ARHGEF10: variants seen among roughly 807,000 people sequenced by gnomAD.
ARHGEF10 encodes the protein Rho guanine nucleotide exchange factor 10, also known as Rho guanine nucleotide exchange factor (GEF) 10.
In ARHGEF10, 140 loss-of-function variants were observed where a neutral mutation model predicts 147.4. That is an observed-to-expected ratio of 0.95 (90% CI 0.83 to 1.09). The LOEUF (loss-of-function observed/expected upper bound fraction) is 1.09. Among genes scored for constraint, ARHGEF10 ranks in the 50% least tolerant of loss-of-function variants. ARHGEF10 has a pLI of 0.00. For synonymous variants in ARHGEF10, 902 were observed against 695.8 expected (o/e 1.30, Z -4.67); for missense variants, 2,222 against 1,752.7 (o/e 1.27, Z -4.78).
intron 3 of ARHGEF10, 74 bp downstream of exon 3, chr8:1,858,189 TGA>T (rs1748125263): frequency 4.9e-6 from 7 of 1,415,886 alleles, no homozygotes; most frequent in Middle Eastern, 2.5e-4. Context: ...GGTCCCCATG[TGA>T]GTCACCAGGT....
chr8:1,929,185 C>T (rs1812915732), intron 24 of ARHGEF10, 101 bp from the exon 25 acceptor site: 1 of 1,315,190 alleles, frequency 7.6e-7, no homozygotes, highest in African/African-American at 1.5e-5. Flanking sequence ...GAAGGAAGGG[C>T]AAGAGGGAAG....
At chr8:1,874,332 G>A (rs1807456680) in intron 7 of ARHGEF10, among the ~76,000 whole-genome samples, 1 of 152,180 alleles carries the variant, frequency 6.6e-6, no homozygotes, top group Non-Finnish European at 1.5e-5. Context: ...TCCTGTGGCT[G>A]GGTCCCAGGA....
chr8:1,919,267 A>T (rs1812019586), intron 18 of ARHGEF10, among the ~76,000 whole-genome samples: 1 of 138,604 alleles, frequency 7.2e-6, no homozygotes, highest in Non-Finnish European at 1.5e-5. Flanking sequence ...TCTGTGGGTG[A>T]TGAGCTGTTC....
intron 7 of ARHGEF10, among the ~76,000 whole-genome samples, chr8:1,873,326 G>T (rs3824137): frequency 0.17 from 26,451 of 152,198 alleles, 2,838 homozygotes; most frequent in East Asian, 0.34. Flanking sequence ...GAAAAACGAG[G>T]AAATTATATG....
chr8:1,898,424 C>G lies in ARHGEF10; in HGVS notation c.1558-9C>G. The G allele has an allele frequency of 6.2e-7, 1 of 1,613,810 alleles. No individual in the cohort carries two copies. Among genetic ancestry groups the G allele is most frequent in the Non-Finnish European group, 8.5e-7 (1 of 1,179,866 alleles). ...TGCAGGGAGGTGACCCCGGTGCCTT[C>G]CCCCACAGCAGGAACAGGAGGCCAG... On this transcript the variant is annotated splice_polypyrimidine_tract_variant and intron_variant, in intron 14 of 28. Coordinates refer to ENST00000349830, the MANE Select transcript of ARHGEF10 (RefSeq NM_014629.4).
chr8:1,934,130 T>C (rs1813377492), intron 26 of ARHGEF10, among the ~76,000 whole-genome samples, 188 bp downstream of exon 26: 1 of 151,664 alleles, frequency 6.6e-6, no homozygotes, highest in African/African-American at 2.4e-5. Context: ...AGCTCAGGAG[T>C]TCCAGATCAG....
At chr8:1,928,364 C>T in intron 23 of ARHGEF10, 63 bp from the exon 24 acceptor site, 1 of 1,489,282 alleles carries the variant, frequency 6.7e-7, no homozygotes, top group Non-Finnish European at 9.4e-7. Flanking sequence ...GGGTCAGGTT[C>T]CAGCGTATTA....
At chr8:1,873,533 T>C (rs1390336154) in intron 7 of ARHGEF10, among the ~76,000 whole-genome samples, 1 of 117,888 alleles carries the variant, frequency 8.5e-6, no homozygotes, top group African/African-American at 3.5e-5. Context: ...CGCGGGGTAG[T>C]GCACCCGCAT....
chr8:1,857,884 A>G (rs1805685276), intron 2 of ARHGEF10, 76 bp from the exon 3 acceptor site: 3 of 856,346 alleles, frequency 3.5e-6, no homozygotes, highest in African/African-American at 2.5e-5. Flanking sequence ...CGATCGATCT[A>G]TCTATCTATC....
intron 26 of ARHGEF10, among the ~76,000 whole-genome samples, chr8:1,942,240 C>T (rs1031876165): frequency 6.7e-6 from 1 of 148,556 alleles, no homozygotes; most frequent in African/African-American, 2.5e-5. Flanking sequence ...GTATGCAGAG[C>T]ATCTAACTCA....
rs777748141 is a variant in ARHGEF10, at chr8:1,952,792, C to T, written c.3485C>T (p.Pro1162Leu). 21 of 1,613,732 alleles carry T rather than the reference C, an allele frequency of 1.3e-5. No homozygotes were observed. Among genetic ancestry groups the T allele is most frequent in the African/African-American group, 5.3e-5 (4 of 74,936 alleles). ...AGCCTGGGAGTCCTCGTGGCCCTGC[C>T]GGTCCCACGTCTGCAAGGGATTCCC... ...GTSLGVLVAL[P>L]VPRLQGIPKV... The change falls in exon 28 of 29, where the codon CCG becomes CTG. Residue 1162 changes from proline (P) to leucine (L), a missense_variant. Pro to Leu is a moderately conservative substitution (Grantham distance 98). Transcript: ENST00000349830.
intron 1 of ARHGEF10, among the ~76,000 whole-genome samples, chr8:1,836,105 C>T (rs1412357988): frequency 1.3e-5 from 2 of 151,518 alleles, no homozygotes; most frequent in Non-Finnish European, 2.9e-5. Context: ...GGCGTGAACC[C>T]GGGAGGCAGA....
At chr8:1,833,132 AGAG>A (rs1563149744) in intron 1 of ARHGEF10, among the ~76,000 whole-genome samples, 206 of 74,258 alleles carry the variant, frequency 2.8e-3, no homozygotes, top group East Asian at 0.016. Flanking sequence ...AGACAGAGGC[AGAG>A]GCAGAGACAG....
chr8:1,912,719 TC>T (rs1272683130), intron 18 of ARHGEF10, among the ~76,000 whole-genome samples: 3 of 152,178 alleles, frequency 2.0e-5, no homozygotes, highest in African/African-American at 7.2e-5. Context: ...GCTCCCAAAC[TC>T]CCTGATGCTG....
At chr8:1,851,474 A>G (rs1260471937) in intron 2 of ARHGEF10, among the ~76,000 whole-genome samples, 1 of 151,760 alleles carries the variant, frequency 6.6e-6, no homozygotes, top group Non-Finnish European at 1.5e-5. Context: ...CTCAGTTGCA[A>G]CAAGTGTTCC....
At chr8:1,894,614 T>A in intron 13 of ARHGEF10, 42 bp downstream of exon 13, 1 of 1,603,370 alleles carries the variant, frequency 6.2e-7, no homozygotes, top group South Asian at 1.1e-5. Context: ...GGGCTCTCCA[T>A]GCACCTGTCC....
chr8:1,843,449 A>G lies in ARHGEF10; in HGVS notation c.37+13A>G. The G allele has an allele frequency of 6.2e-7, 1 of 1,607,994 alleles. No homozygotes were observed. The highest frequency in any genetic ancestry group is 8.5e-7 in the Non-Finnish European group (1 of 1,175,694). ...CCCGCTCCTGCAGGTAACAGCACTC[A>G]GTAGGTGGGCCTGTGGGTCAGGTTG... On this transcript the variant is annotated intron_variant, in intron 2 of 28. Coordinates refer to ENST00000349830, the MANE Select transcript of ARHGEF10 (RefSeq NM_014629.4).
chr8:1,845,708 G>A (rs1288212068), intron 2 of ARHGEF10, among the ~76,000 whole-genome samples: 1 of 152,224 alleles, frequency 6.6e-6, no homozygotes, highest in Non-Finnish European at 1.5e-5. Context: ...ACCCTGAGGA[G>A]CTCTGCCCAG....
Position 1,880,153 on chromosome 8 carries a change from C to T in ARHGEF10, c.949C>T (p.His317Tyr). The T allele has an allele frequency of 1.2e-6, 2 of 1,612,930 alleles. No homozygotes were observed. Among genetic ancestry groups the T allele is most frequent in the Non-Finnish European group, 1.7e-6 (2 of 1,178,962 alleles). ...VVEIQQLRQK[H>Y]ELKMQKLVKA... is the part of the protein sequence containing the mutation. ...GGAGATTCAGCAGCTCAGGCAGAAG[C>T]ATGAACTGAAGGTAGAGTCTTGCCC... The change falls in exon 9 of 29, where the codon CAT (histidine) becomes TAT (tyrosine). Residue 317 changes from histidine to tyrosine, a missense_variant. By Grantham distance (83) the His-to-Tyr change is moderately conservative. Coordinates refer to ENST00000349830, the MANE Select transcript of ARHGEF10 (RefSeq NM_014629.4).
Sources: allele counts gnomAD v4.1 joint callset (sites outside exome capture counted in the v4.1 genomes callset), GRCh38; gene constraint gnomAD v4.1.1; transcripts MANE v1.5; gene names NCBI Gene and HGNC (gene_info 2026-07-23, HGNC 2026-07-21).